KREMEN1: variants seen among roughly 807,000 people sequenced by gnomAD.
The protein encoded by KREMEN1 is kremen protein 1.
In KREMEN1, 30 loss-of-function variants were observed where a neutral mutation model predicts 46.5. The observed-to-expected ratio is 0.65, with a 90% CI of 0.48 to 0.88. The LOEUF (loss-of-function observed/expected upper bound fraction) is 0.88, where lower values mean the gene tolerates loss of function less well. KREMEN1 is among the 40% of genes least tolerant of loss of function. KREMEN1 has a pLI of 0.00. For missense variants in KREMEN1, 533 were observed against 596.9 expected (o/e 0.89, Z 1.11); for synonymous variants, 214 against 230.6 (o/e 0.93, Z 0.65).
At chr22:29,126,479 C>G (rs1423905743) in intron 5 of KREMEN1, among the ~76,000 whole-genome samples, 2 of 152,188 alleles carry the variant, frequency 1.3e-5, no homozygotes, top group Non-Finnish European at 2.9e-5. Flanking sequence ...TTCTCTTTCA[C>G]ATGGCCATCT....
At chr22:29,084,913 C>T (rs2037707274) in intron 1 of KREMEN1, among the ~76,000 whole-genome samples, 1 of 152,136 alleles carries the variant, frequency 6.6e-6, no homozygotes, top group African/African-American at 2.4e-5. Context: ...TTTTTAAGGG[C>T]ACCATCTCCT....
rs1354441780 is a variant in KREMEN1, at chr22:29,146,111, C to T, written c.*3999C>T. On this transcript the variant is annotated 3_prime_UTR_variant, in exon 9 of 9. Coordinates refer to ENST00000400335, the MANE Select transcript of KREMEN1 (RefSeq NM_001039570.3). Reference sequence around the variant, plus strand: ...TCTCCCACGGAGCCGGGCAGCTCCACACCCCACCACCTGGCACCGTTAGGT... The same window carrying T: ...TCTCCCACGGAGCCGGGCAGCTCCATACCCCACCACCTGGCACCGTTAGGT... The T allele has an allele frequency of 3.0e-6, 3 of 985,894 alleles. No homozygotes were observed. The highest frequency in any genetic ancestry group is 3.6e-6 in the Non-Finnish European group (3 of 830,042). 61.1% of individuals were successfully genotyped at this position (985,894 alleles called of 1,614,324 possible). A position where few individuals can be genotyped will look rare whatever the true frequency, so the allele number is the denominator to read the frequency against.
chr22:29,119,986 A>G lies in KREMEN1; in HGVS notation c.353-1371A>G, dbSNP rs1010791719. Among the ~76,000 whole-genome samples, 13 of 150,554 alleles carry G rather than the reference A, an allele frequency of 8.6e-5. 1 individual carries two copies. Among genetic ancestry groups the G allele is most frequent in the African/African-American group, 3.3e-4 (13 of 39,962 alleles). ...TGAGTCAGAGAAGACAGATGTGACA[A>G]TGGAAACAGAGGGAGGAAGAAGAGG... On this transcript the variant is annotated intron_variant, in intron 3 of 8. Coordinates refer to ENST00000400335, the MANE Select transcript of KREMEN1 (RefSeq NM_001039570.3).
chr22:29,149,954 C>A (rs1248674765), downstream of KREMEN1, among the ~76,000 whole-genome samples: 24 of 152,238 alleles, frequency 1.6e-4, no homozygotes. Flanking sequence ...ACATGACCAT[C>A]TTCTTTCCCC....
At chr22:29,149,009 C>T (rs1390589375), downstream of KREMEN1, among the ~76,000 whole-genome samples, 1 of 152,006 alleles carries the variant, frequency 6.6e-6, no homozygotes, top group Non-Finnish European at 1.5e-5. Flanking sequence ...TTCAGGTTCC[C>T]GGGCCCCACC....
rs536054544 is a variant in KREMEN1, at chr22:29,101,287, A to T, written c.352+2334A>T. ...AAAAAAAAAAAAAAGGATGTAAGGGAAGAACATATTTTTGTACAGCTATAC... is the reference window on the plus strand; with the variant it reads ...AAAAAAAAAAAAAAGGATGTAAGGGTAGAACATATTTTTGTACAGCTATAC... On this transcript the variant is annotated intron_variant, in intron 3 of 8. Coordinates refer to ENST00000400335, the MANE Select transcript of KREMEN1 (RefSeq NM_001039570.3). 4.6e-5 allele frequency among the ~76,000 whole-genome samples: 7 copies of T among 151,146 alleles called. No individual in the cohort carries two copies. In the East Asian group the frequency reaches 1.4e-3, roughly 29 times the overall value.
intron 5 of KREMEN1, chr22:29,134,121 A>G (rs2038618103): frequency 6.6e-6 from 1 of 152,052 alleles, no homozygotes. Flanking sequence ...CTATAATTAA[A>G]AAAAAATTCA....
At chr22:29,152,230 C>T (rs2038920069) in intron 9 of KREMEN1, among the ~76,000 whole-genome samples, 1 of 152,166 alleles carries the variant, frequency 6.6e-6, no homozygotes, top group Non-Finnish European at 1.5e-5. Context: ...GTCTGCACTG[C>T]AGGGGAGGGC....
chr22:29,102,609 C>T (rs1268749064), intron 3 of KREMEN1, among the ~76,000 whole-genome samples: 3 of 151,920 alleles, frequency 2.0e-5, no homozygotes, highest in Non-Finnish European at 4.4e-5. Flanking sequence ...CAGTCTGGGC[C>T]AATAGGGACT....
chr22:29,076,232 A>G (rs1170879962), intron 1 of KREMEN1, among the ~76,000 whole-genome samples: 4 of 152,190 alleles, frequency 2.6e-5, no homozygotes, highest in African/African-American at 9.7e-5. Flanking sequence ...AATACCTTTT[A>G]TAAGTTTATA....
intron 9 of KREMEN1, among the ~76,000 whole-genome samples, chr22:29,155,393 A>G (rs547579548): frequency 1.9e-4 from 29 of 152,110 alleles, no homozygotes. Context: ...AAATTAGCCA[A>G]GCATGGTGGT....
At chr22:29,109,325 A>G (rs1445860325) in intron 3 of KREMEN1, among the ~76,000 whole-genome samples, 1 of 152,210 alleles carries the variant, frequency 6.6e-6, no homozygotes, top group Non-Finnish European at 1.5e-5. Context: ...TTATACCAGC[A>G]CTTGCCTATA....
intron 9 of KREMEN1, among the ~76,000 whole-genome samples, chr22:29,163,872 G>A (rs1049935679): frequency 1.3e-5 from 2 of 151,890 alleles, no homozygotes; most frequent in Admixed American, 1.3e-4. Context: ...TCAGCATCAC[G>A]CAATACACCC....
chr22:29,100,939 T>C (rs1398695050), intron 3 of KREMEN1, among the ~76,000 whole-genome samples: 1 of 152,056 alleles, frequency 6.6e-6, no homozygotes, highest in Non-Finnish European at 1.5e-5. Context: ...AAAAATATAA[T>C]AGAAAAAACC....
chr22:29,075,233 A>C (rs1468612803), intron 1 of KREMEN1, among the ~76,000 whole-genome samples: 4 of 152,150 alleles, frequency 2.6e-5, no homozygotes, highest in Non-Finnish European at 4.4e-5. Context: ...CCACTTTGCT[A>C]TCTGTGTGGT....
chr22:29,152,962 T>G (rs1168799058), intron 9 of KREMEN1, among the ~76,000 whole-genome samples: 15 of 152,192 alleles, frequency 9.9e-5, no homozygotes, highest in Non-Finnish European at 2.2e-4. Context: ...AGACTTACGG[T>G]TATTTCTTGA....
intron 9 of KREMEN1, among the ~76,000 whole-genome samples, chr22:29,163,003 A>T (rs746210384): frequency 6.6e-6 from 1 of 152,112 alleles, no homozygotes; most frequent in Non-Finnish European, 1.5e-5. Flanking sequence ...ATAAAACCAT[A>T]AACATTGGGT....
intron 1 of KREMEN1, among the ~76,000 whole-genome samples, chr22:29,085,766 G>A (rs1176852585): frequency 6.6e-6 from 1 of 152,162 alleles, no homozygotes; most frequent in East Asian, 1.9e-4. Context: ...CTTGAGCCCA[G>A]GAGTTTGAGT....
chr22:29,127,961 T>C (rs2038472419), intron 5 of KREMEN1, among the ~76,000 whole-genome samples: 1 of 152,180 alleles, frequency 6.6e-6, no homozygotes, highest in Admixed American at 6.5e-5. Flanking sequence ...ACCATTATTC[T>C]AAATGAAAGA....
Sources: gnomAD v4.1 joint callset for allele counts (sites outside exome capture counted in the v4.1 genomes callset) on GRCh38, gnomAD v4.1.1 for gene constraint, MANE v1.5 for transcripts, NCBI Gene and HGNC (gene_info 2026-07-23, HGNC 2026-07-21) for gene names.